Variants in SEPTIN2 observed in about 807,000 individuals in gnomAD.
The protein encoded by SEPTIN2 is septin-2.
A neutral mutation model predicts 46.5 loss-of-function variants in SEPTIN2; 34 were observed. That is an observed-to-expected ratio of 0.73 (90% CI 0.56 to 0.97). The LOEUF (loss-of-function observed/expected upper bound fraction) is 0.97. Ranked by LOEUF, SEPTIN2 falls within the 50% of genes least tolerant of loss-of-function variation. SEPTIN2 has a pLI of 0.00. For synonymous variants in SEPTIN2, 175 were observed against 153.4 expected (o/e 1.14, Z -1.04); for missense variants, 347 against 448.4 (o/e 0.77, Z 2.04).
chr2:241,326,597 T>C (rs2078012393), intron 3 of SEPTIN2, among the ~76,000 whole-genome samples: 1 of 112,210 alleles, frequency 8.9e-6, no homozygotes, highest in Admixed American at 1.1e-4. Flanking sequence ...AGTAGGACAT[T>C]GTGGAGATGA....
intron 12 of SEPTIN2, among the ~76,000 whole-genome samples, chr2:241,351,158 C>T (rs933108417): frequency 2.0e-5 from 3 of 152,046 alleles, no homozygotes; most frequent in East Asian, 1.9e-4. Context: ...GAGCCTTCAA[C>T]GACATACGGC....
intron 1 of SEPTIN2, among the ~76,000 whole-genome samples, chr2:241,318,664 G>T (rs958510219): frequency 1.3e-5 from 2 of 148,640 alleles, no homozygotes. Flanking sequence ...CTAAATTATC[G>T]TATTCTAGAA....
rs1299816747 is a variant in SEPTIN2, at chr2:241,337,619, A to G, written c.477-54A>G. On this transcript the variant is annotated intron_variant, in intron 6 of 12. Transcript: ENST00000391971. ...AAGAATTAAGATAATTTGAGAGAGA[A>G]GAGTTTTGTATGTATTTTTTTTAAA... 4 of 1,579,994 alleles carry G rather than the reference A, an allele frequency of 2.5e-6. No individual in the cohort carries two copies. The South Asian group carries it at 3.4e-5, about 14-fold the overall frequency.
At chr2:241,316,491 A>G (rs1217744392) in intron 1 of SEPTIN2, 5 of 1,505,570 alleles carry the variant, frequency 3.3e-6, no homozygotes, top group Non-Finnish European at 4.4e-6. Context: ...GCGAGGGGAG[A>G]GCGACTAGGC....
In SEPTIN2 at chr2:241,352,954, TTGG is replaced by T. The variant is rs2060889800; in HGVS notation, c.*1021_*1023del. On this transcript the variant is annotated 3_prime_UTR_variant, in exon 13 of 13. Coordinates refer to ENST00000391971, the MANE Select transcript of SEPTIN2 (RefSeq NM_004404.5). ...CCTCCCCTGTGGAAATTGGGGTCTG[TTGG>T]TGGGCGTGCCCCTGAAGCCTGGCTT... is the stretch of plus-strand genomic sequence containing the variant. The T allele has an allele frequency of 6.6e-6, 1 of 152,266 alleles. No individual in the cohort carries two copies. The highest frequency in any genetic ancestry group is 2.1e-4 in the South Asian group (1 of 4,836). 9.4% of individuals were successfully genotyped at this position (152,266 alleles called of 1,614,324 possible).
intron 4 of SEPTIN2, chr2:241,335,670 G>T: frequency 3.5e-6 from 2 of 567,816 alleles, no homozygotes; most frequent in South Asian, 4.4e-5. Context: ...AGAATATGTA[G>T]CCCTTTCAGA....
intron 1 of SEPTIN2, chr2:241,317,064 A>T (rs1305483487): frequency 2.6e-5 from 4 of 152,500 alleles, no homozygotes; most frequent in Admixed American, 6.5e-5. Flanking sequence ...TTTGAATCAC[A>T]GTGCCTGCCG....
rs376623721 is a variant in SEPTIN2 at position 241,335,213 on chromosome 2, G to A, written c.217+1G>A. ...GAAAGAGTCATACCTGGAGCAGCAGGTAAAAACATTCTTATGTTACTGTAA... is the reference window on the plus strand; with the variant it reads ...GAAAGAGTCATACCTGGAGCAGCAGATAAAAACATTCTTATGTTACTGTAA... On this transcript the variant is annotated splice_donor_variant, in intron 4 of 12. Transcript: ENST00000391971. LOFTEE classifies it high-confidence loss of function. The A allele has an allele frequency of 6.2e-7, 1 of 1,612,726 alleles. No homozygotes were observed. Among genetic ancestry groups the A allele is most frequent in the Non-Finnish European group, 8.5e-7 (1 of 1,179,144 alleles).
intron 7 of SEPTIN2, among the ~76,000 whole-genome samples, chr2:241,340,972 G>C (rs1278719216): frequency 1.3e-5 from 2 of 152,104 alleles, no homozygotes; most frequent in Non-Finnish European, 2.9e-5. Flanking sequence ...ACCTGCAATT[G>C]CTCTCTCATG....
In SEPTIN2 at chr2:241,348,885, C is replaced by A. The variant is rs73002127; in HGVS notation, c.984+694C>A. Among the ~76,000 whole-genome samples, 200 of 152,114 alleles carry A rather than the reference C, an allele frequency of 1.3e-3. 1 individual carries two copies. Among genetic ancestry groups the A allele is most frequent in the Non-Finnish European group, 1.6e-3 (110 of 68,002 alleles). The stretch of plus-strand genomic sequence containing the variant: ...AAACAATAGGATCATAATGGGCTAG[C>A]CTTTTGGAAACAAAAAGAAAATACT... On this transcript the variant is annotated intron_variant, in intron 11 of 12. Coordinates refer to ENST00000391971, the MANE Select transcript of SEPTIN2 (RefSeq NM_004404.5).
chr2:241,321,636 A>T (rs1380564647), intron 1 of SEPTIN2, among the ~76,000 whole-genome samples: 1 of 150,508 alleles, frequency 6.6e-6, no homozygotes, highest in African/African-American at 2.4e-5. Context: ...GAATTTGGTT[A>T]TTTCACATTT....
intron 3 of SEPTIN2, among the ~76,000 whole-genome samples, chr2:241,333,773 G>C (rs1289725990): frequency 6.6e-6 from 1 of 152,230 alleles, no homozygotes. Flanking sequence ...AAAGTGCTGG[G>C]ATTACAGGCG....
At chr2:241,324,741 T>G (rs1275611121) in intron 2 of SEPTIN2, 27 of 187,362 alleles carry the variant, frequency 1.4e-4, no homozygotes, top group African/African-American at 6.2e-4. Flanking sequence ...TACTTTCTTT[T>G]CTCTACACAC....
At chr2:241,321,204 AC>A (rs1285446859) in intron 1 of SEPTIN2, among the ~76,000 whole-genome samples, 1 of 152,100 alleles carries the variant, frequency 6.6e-6, no homozygotes, top group Non-Finnish European at 1.5e-5. Flanking sequence ...CTGTCCTTGC[AC>A]ATACTGTGTT....
At chr2:241,338,792 A>ATATATAATACATATTATATTTATATTATT (rs2080631884) in intron 7 of SEPTIN2, among the ~76,000 whole-genome samples, 1 of 110,454 alleles carries the variant, frequency 9.1e-6, no homozygotes, top group Non-Finnish European at 1.7e-5. Flanking sequence ...TATATTATTT[A>ATATATAATACATATTATATTTATATTATT]TATATAATAC....
intron 11 of SEPTIN2, among the ~76,000 whole-genome samples, chr2:241,349,640 G>A (rs922096026): frequency 6.6e-6 from 1 of 152,002 alleles, no homozygotes; most frequent in African/African-American, 2.4e-5. Flanking sequence ...GACCAATGTG[G>A]TGAAACCCCG....
chr2:241,328,737 CA>C (rs1329577405), intron 3 of SEPTIN2, among the ~76,000 whole-genome samples: 1 of 150,846 alleles, frequency 6.6e-6, no homozygotes, highest in Non-Finnish European at 1.5e-5. Flanking sequence ...AGAGAAACTC[CA>C]TCTCAAAACA....
intron 3 of SEPTIN2, among the ~76,000 whole-genome samples, chr2:241,328,060 GA>G (rs1285444563): frequency 6.6e-6 from 1 of 152,000 alleles, no homozygotes; most frequent in Admixed American, 6.5e-5. Context: ...CTCAAGAAAA[GA>G]AAAAAGTAGC....
intron 7 of SEPTIN2, among the ~76,000 whole-genome samples, chr2:241,338,816 A>G (rs1265812077): frequency 9.6e-6 from 1 of 104,118 alleles, no homozygotes; most frequent in Non-Finnish European, 1.7e-5. Context: ...TTATATTTAT[A>G]TTATTTATAT....
Sources: allele counts gnomAD v4.1 joint callset (sites outside exome capture counted in the v4.1 genomes callset), GRCh38; gene constraint gnomAD v4.1.1; transcripts MANE v1.5; gene names NCBI Gene and HGNC (gene_info 2026-07-23, HGNC 2026-07-21).